Variants in DLG2 observed in about 807,000 individuals in gnomAD.
DLG2 encodes the protein disks large homolog 2.
A neutral mutation model predicts 132.5 loss-of-function variants in DLG2; 45 were observed. The observed-to-expected ratio is 0.34, with a 90% CI of 0.27 to 0.44. DLG2 has a LOEUF of 0.44. Ranked by LOEUF, DLG2 falls within the 20% of genes least tolerant of loss-of-function variation. DLG2 has a pLI of 1.00. For synonymous variants in DLG2, 424 were observed against 419.6 expected, an observed-to-expected ratio of 1.01 and a Z score of -0.13; for missense variants, 1,045 against 1,196.9, an observed-to-expected ratio of 0.87 and a Z score of 1.87.
At chr11:84,620,290 A>G (rs2099611647) in intron 6 of DLG2, among the ~76,000 whole-genome samples, 1 of 151,876 alleles carries the variant, frequency 6.6e-6, no homozygotes, top group Non-Finnish European at 1.5e-5. Flanking sequence ...GGAAAATAAG[A>G]ATACAAAATA....
At chr11:84,235,533 G>A (rs1414285658) in intron 8 of DLG2, among the ~76,000 whole-genome samples, 1 of 151,854 alleles carries the variant, frequency 6.6e-6, no homozygotes, top group African/African-American at 2.4e-5. Context: ...GACAGAGGGA[G>A]AACCTGTCTT....
intron 6 of DLG2, among the ~76,000 whole-genome samples, chr11:84,770,499 C>T (rs926346168): frequency 3.3e-5 from 5 of 152,090 alleles, no homozygotes; most frequent in Non-Finnish European, 5.9e-5. Context: ...CTGTTGTTGC[C>T]TCTTTATGTT....
At chr11:84,654,569 T>G (rs1309989613) in intron 6 of DLG2, among the ~76,000 whole-genome samples, 1 of 152,216 alleles carries the variant, frequency 6.6e-6, no homozygotes, top group Admixed American at 6.5e-5. Flanking sequence ...TAGTCACCAT[T>G]TAGTAAGTCC....
intron 6 of DLG2, among the ~76,000 whole-genome samples, chr11:84,630,247 G>T (rs2099629195): frequency 6.6e-6 from 1 of 152,142 alleles, no homozygotes; most frequent in Non-Finnish European, 1.5e-5. Context: ...AAGACTGCAG[G>T]AGCCTATGTC....
At chr11:83,535,849 A>T (rs1428906857) in intron 20 of DLG2, among the ~76,000 whole-genome samples, 1 of 152,188 alleles carries the variant, frequency 6.6e-6, no homozygotes, top group African/African-American at 2.4e-5. Flanking sequence ...TCCCCACAAC[A>T]ACCTAAGGAT....
At chr11:83,840,284 A>G (rs1464832420) in intron 16 of DLG2, among the ~76,000 whole-genome samples, 1 of 152,220 alleles carries the variant, frequency 6.6e-6, no homozygotes, top group Non-Finnish European at 1.5e-5. Context: ...CCTAGAACCC[A>G]GGCACCAGCA....
intron 6 of DLG2, among the ~76,000 whole-genome samples, chr11:84,840,985 T>C (rs1466977555): frequency 2.2e-5 from 3 of 136,018 alleles, no homozygotes; most frequent in African/African-American, 8.3e-5. Flanking sequence ...ACTTAAAGTA[T>C]AATAGTAAAA....
chr11:83,933,472 T>C (rs921329726), intron 14 of DLG2, among the ~76,000 whole-genome samples: 1 of 152,234 alleles, frequency 6.6e-6, no homozygotes, highest in Admixed American at 6.5e-5. Flanking sequence ...TGCTGAGCCA[T>C]CAGCATTTAT....
At chr11:84,609,974 C>G (rs2099592509) in intron 6 of DLG2, among the ~76,000 whole-genome samples, 2 of 151,858 alleles carry the variant, frequency 1.3e-5, no homozygotes, top group South Asian at 4.2e-4. Context: ...TGCTTTTTTG[C>G]CTTTAACCCA....
intron 7 of DLG2, among the ~76,000 whole-genome samples, chr11:84,418,510 A>G (rs1428938828): frequency 6.6e-6 from 1 of 152,224 alleles, no homozygotes; most frequent in Non-Finnish European, 1.5e-5. Flanking sequence ...CTTACTCAAA[A>G]TTAAATAATA....
intron 6 of DLG2, among the ~76,000 whole-genome samples, chr11:85,053,535 T>C (rs1467726988): frequency 1.3e-5 from 2 of 150,182 alleles, no homozygotes; most frequent in Non-Finnish European, 2.9e-5. Flanking sequence ...ACGCCTGTAA[T>C]CCCAGCACTT....
At chr11:84,714,596 TCTTTCTCTTTCTCTTTCTCTTTCTC>T (rs1565749613) in intron 6 of DLG2, among the ~76,000 whole-genome samples, 166 of 89,376 alleles carry the variant, frequency 1.9e-3, no homozygotes, top group South Asian at 2.5e-3. Flanking sequence ...TCTTTCTCTT[TCTTTCTCTTTCTCTTTCTCTTTCTC>T]TTTCTCTCTC....
intron 18 of DLG2, among the ~76,000 whole-genome samples, chr11:83,783,923 G>T (rs555459585): frequency 1.3e-5 from 2 of 152,014 alleles, no homozygotes; most frequent in African/African-American, 4.8e-5. Flanking sequence ...TCTATTAAAT[G>T]TATAAAAATC....
At chr11:85,511,018 T>C (rs907486908) in intron 3 of DLG2, among the ~76,000 whole-genome samples, 6 of 152,062 alleles carry the variant, frequency 3.9e-5, no homozygotes, top group African/African-American at 1.4e-4. Context: ...GTGGCACATA[T>C]ACACCATGGA....
chr11:85,062,889 T>C (rs2064320525), intron 6 of DLG2, among the ~76,000 whole-genome samples: 1 of 151,750 alleles, frequency 6.6e-6, no homozygotes, highest in Non-Finnish European at 1.5e-5. Context: ...ATAAGCACAC[T>C]AAGCAGTATA....
intron 6 of DLG2, among the ~76,000 whole-genome samples, chr11:84,667,491 G>GTT (rs1275372814): frequency 3.4e-4 from 12 of 35,286 alleles, no homozygotes; most frequent in Admixed American, 5.1e-4. Flanking sequence ...TTTGTTTTTT[G>GTT]TTTTTTGTTT....
chr11:84,874,446 T>C (rs1205647729), intron 6 of DLG2, among the ~76,000 whole-genome samples: 1 of 152,042 alleles, frequency 6.6e-6, no homozygotes, highest in Non-Finnish European at 1.5e-5. Context: ...GAGAGAGGGA[T>C]TGGCCTGAGA....
At chr11:84,442,868 A>G (rs559584348) in intron 7 of DLG2, among the ~76,000 whole-genome samples, 1 of 152,256 alleles carries the variant, frequency 6.6e-6, no homozygotes, top group African/African-American at 2.4e-5. Flanking sequence ...GTGCTAATGT[A>G]TATTAAAAAG....
At chr11:84,538,386 A>C (rs980370289) in intron 6 of DLG2, among the ~76,000 whole-genome samples, 1 of 152,168 alleles carries the variant, frequency 6.6e-6, no homozygotes, top group Non-Finnish European at 1.5e-5. Flanking sequence ...ATATCTGCAT[A>C]CTTTTCAGGA....
Sources: allele counts gnomAD v4.1 joint callset (sites outside exome capture counted in the v4.1 genomes callset), GRCh38; gene constraint gnomAD v4.1.1; transcripts MANE v1.5; gene names NCBI Gene and HGNC (gene_info 2026-07-23, HGNC 2026-07-21).